OR1L8: variants seen among roughly 807,000 people sequenced by gnomAD.
The protein encoded by OR1L8 is olfactory receptor family 1 subfamily L member 8, also known as olfactory receptor 1L8.
For synonymous variants in OR1L8, 148 were observed against 147.0 expected, an observed-to-expected ratio of 1.01 and a Z score of -0.05; for missense variants, 330 against 377.4, an observed-to-expected ratio of 0.87 and a Z score of 1.04.
rs142101667 is a variant in OR1L8 at position 122,572,225 on chromosome 9, C to T, written c.-213+555G>A. 1.5e-3 allele frequency among the ~76,000 whole-genome samples: 235 copies of T among 152,308 alleles called. 1 individual carries two copies. Among genetic ancestry groups the T allele is most frequent in the African/African-American group, 5.4e-3 (226 of 41,566 alleles). On this transcript the variant is annotated intron_variant, in intron 4 of 4. Transcript: ENST00000641027. ...CTCCCACTAGGGCCCACCTTCAACA[C>T]TGGAGATTAAAATGCCACATGACAT...
At chr9:122,548,565 C>A in the OR1L8 span, among the ~76,000 whole-genome samples, 2 of 150,858 alleles carry the variant, frequency 1.3e-5, no homozygotes, top group Non-Finnish European at 3.0e-5. Flanking sequence ...CTGTTCATAT[C>A]TTTTGTCCAA....
At chr9:122,548,744 T>TCCCCTCTACCCCCA in the OR1L8 span, among the ~76,000 whole-genome samples, 2 of 61,430 alleles carry the variant, frequency 3.3e-5, no homozygotes, top group Non-Finnish European at 5.8e-5. Flanking sequence ...CCCTCCCCCC[T>TCCCCTCTACCCCCA]CCCCTCTACC....
intron 1 of OR1L8, among the ~76,000 whole-genome samples, chr9:122,579,087 A>G (rs932479161): frequency 3.9e-5 from 6 of 152,182 alleles, no homozygotes; most frequent in Non-Finnish European, 1.5e-5. Flanking sequence ...AATACTGCCA[A>G]GAATATATGT....
At chr9:122,579,574 A>C (rs1228175031) in intron 1 of OR1L8, among the ~76,000 whole-genome samples, 1 of 152,212 alleles carries the variant, frequency 6.6e-6, no homozygotes, top group African/African-American at 2.4e-5. Flanking sequence ...TTCTTAGAGA[A>C]TACTAAGTAC....
chr9:122,566,890 G>A (rs1199241647), downstream of OR1L8, among the ~76,000 whole-genome samples: 2 of 152,086 alleles, frequency 1.3e-5, no homozygotes, highest in East Asian at 1.9e-4. Context: ...TAATTTCCAT[G>A]TTATCCCTTG....
the OR1L8 span, among the ~76,000 whole-genome samples, chr9:122,554,875 C>G: frequency 6.6e-6 from 1 of 152,174 alleles, no homozygotes; most frequent in South Asian, 2.1e-4. Flanking sequence ...TTTGTACTAA[C>G]TACACCATCC....
chr9:122,558,656 A>G, the OR1L8 span, among the ~76,000 whole-genome samples: 1 of 150,698 alleles, frequency 6.6e-6, no homozygotes, highest in African/African-American at 2.4e-5. Context: ...TAGGTTTGCC[A>G]TTACCAAAAA....
At chr9:122,550,708 G>C in the OR1L8 span, among the ~76,000 whole-genome samples, 7 of 151,768 alleles carry the variant, frequency 4.6e-5, no homozygotes, top group African/African-American at 1.7e-4. Context: ...ATCCCTTCAT[G>C]ATAAAAATGC....
chr9:122,551,108 C>T, the OR1L8 span, among the ~76,000 whole-genome samples: 1 of 152,120 alleles, frequency 6.6e-6, no homozygotes, highest in Non-Finnish European at 1.5e-5. Context: ...TTTCTACACA[C>T]TAATAACAAT....
intron 1 of OR1L8, 23 bp from the exon 2 acceptor site, chr9:122,578,468 C>T (rs1189003704): frequency 6.9e-6 from 1 of 145,592 alleles, no homozygotes; most frequent in African/African-American, 2.5e-5. Context: ...AAAAAAAAGA[C>T]ATCATTATAT....
At chr9:122,564,858 C>T (rs569223647), downstream of OR1L8, among the ~76,000 whole-genome samples, 2 of 152,326 alleles carry the variant, frequency 1.3e-5, no homozygotes, top group South Asian at 4.1e-4. Context: ...ATCAATTCTG[C>T]AGCCCCATGT....
chr9:122,569,847 A>T (rs1829508711), intron 4 of OR1L8, among the ~76,000 whole-genome samples: 1 of 149,962 alleles, frequency 6.7e-6, no homozygotes, highest in South Asian at 2.1e-4. Flanking sequence ...ACCCCACAAC[A>T]GTCCCCAGAG....
At chr9:122,575,255 G>T (rs1829633034) in intron 3 of OR1L8, among the ~76,000 whole-genome samples, 1 of 152,074 alleles carries the variant, frequency 6.6e-6, no homozygotes, top group African/African-American at 2.4e-5. Context: ...AGAGATTGTA[G>T]ATAATTAATA....
At chr9:122,565,624 A>G (rs1259445248), downstream of OR1L8, among the ~76,000 whole-genome samples, 1 of 152,246 alleles carries the variant, frequency 6.6e-6, no homozygotes, top group African/African-American at 2.4e-5. Context: ...TATGTTGATT[A>G]CATTAGTCTG....
At chr9:122,553,891 CTG>C in the OR1L8 span, 7 of 1,614,096 alleles carry the variant, frequency 4.3e-6, no homozygotes, top group Non-Finnish European at 1.7e-6. Context: ...ATTTTCTGGG[CTG>C]TGTTTGTCAT....
intron 4 of OR1L8, among the ~76,000 whole-genome samples, chr9:122,570,998 A>G (rs1008615904): frequency 3.9e-5 from 6 of 152,134 alleles, no homozygotes; most frequent in Admixed American, 2.6e-4. Flanking sequence ...AAAAATTTGA[A>G]CCTTAAGCCT....
At chr9:122,572,575 T>C (rs2118729094) in intron 4 of OR1L8, among the ~76,000 whole-genome samples, 1 of 131,736 alleles carries the variant, frequency 7.6e-6, no homozygotes, top group Middle Eastern at 3.6e-3. Context: ...TGGTTTTGGG[T>C]TTGGTTTTTT....
At chr9:122,551,751 C>G in the OR1L8 span, among the ~76,000 whole-genome samples, 1 of 152,006 alleles carries the variant, frequency 6.6e-6, no homozygotes, top group Non-Finnish European at 1.5e-5. Flanking sequence ...ACACCGAGGT[C>G]GACCTTAACG....
chr9:122,566,389 CT>C (rs1829427204), downstream of OR1L8, among the ~76,000 whole-genome samples: 2 of 152,220 alleles, frequency 1.3e-5, no homozygotes, highest in African/African-American at 2.4e-5. Context: ...ATGTTTCCCC[CT>C]GCCCTTCCAT....
Sources: gnomAD v4.1 joint callset for allele counts (sites outside exome capture counted in the v4.1 genomes callset) on GRCh38, gnomAD v4.1.1 for gene constraint, MANE v1.5 for transcripts, NCBI Gene and HGNC (gene_info 2026-07-23, HGNC 2026-07-21) for gene names.